NDST4: variants seen among roughly 807,000 people sequenced by gnomAD.
NDST4 encodes N-deacetylase and N-sulfotransferase 4.
Under a neutral mutation model 100.8 loss-of-function variants are expected in NDST4, and 63 were observed. The observed-to-expected ratio is 0.62, with a 90% CI of 0.51 to 0.77. The LOEUF is 0.77. NDST4 is among the 30% of genes least tolerant of loss of function. NDST4 has a pLI of 0.00. For missense variants in NDST4, 943 were observed against 1,018.4 expected (o/e 0.93, Z 1.01); for synonymous variants, 377 against 361.8 (o/e 1.04, Z -0.48).
chr4:114,882,366 G>A (rs954581699), intron 6 of NDST4, among the ~76,000 whole-genome samples: 1 of 152,004 alleles, frequency 6.6e-6, no homozygotes, highest in Non-Finnish European at 1.5e-5. Flanking sequence ...TTCTGCAATA[G>A]GATATGGGTA....
At position 114,847,416 on chromosome 4, in the gene NDST4, A is replaced by AAAAAAAAAAAAAAAAAT. The variant is rs1391736224; in HGVS notation, c.1940+798_1940+799insATTTTTTTTTTTTTTTT. Among the ~76,000 whole-genome samples, 6 of 103,642 alleles carry AAAAAAAAAAAAAAAAAT rather than the reference A, an allele frequency of 5.8e-5. 2 individuals are homozygous for AAAAAAAAAAAAAAAAAT. The highest frequency in any genetic ancestry group is 4.1e-4 in the Admixed American group (4 of 9,732). The allele number at this position is 103,642 out of a possible 152,430, so 68.0% of individuals were successfully genotyped here. A position where few individuals can be genotyped will look rare whatever the true frequency, so the allele number is the denominator to read the frequency against. The stretch of plus-strand genomic sequence containing the variant: ...AAAAAAAAAAAAAAAAAAAAAAAAA[A>AAAAAAAAAAAAAAAAAT]GTGTCTTTCATTGCAAACAGGTTCA... On this transcript the variant is annotated intron_variant, in intron 9 of 13. Transcript: ENST00000264363.
chr4:114,984,410 C>CTTG (rs1726853134), intron 2 of NDST4, among the ~76,000 whole-genome samples: 1 of 126,488 alleles, frequency 7.9e-6, no homozygotes, highest in Non-Finnish European at 1.6e-5. Context: ...AACTCCTGAC[C>CTTG]TTGTGATCCA....
chr4:114,851,631 G>A (rs1042410971), intron 8 of NDST4, among the ~76,000 whole-genome samples: 11 of 152,100 alleles, frequency 7.2e-5, no homozygotes, highest in Non-Finnish European at 1.5e-4. Context: ...TTACAACACA[G>A]GAGTGTTTTA....
intron 6 of NDST4, among the ~76,000 whole-genome samples, chr4:114,879,253 G>C (rs1262219996): frequency 6.6e-6 from 1 of 152,032 alleles, no homozygotes; most frequent in Admixed American, 6.6e-5. Flanking sequence ...CTGTGCAATA[G>C]GAAACTAAAA....
chr4:115,111,844 T>C (rs1273219022), intron 1 of NDST4, among the ~76,000 whole-genome samples: 1 of 151,912 alleles, frequency 6.6e-6, no homozygotes, highest in Non-Finnish European at 1.5e-5. Flanking sequence ...TAGCTTATTA[T>C]GAGATGTCTA....
At chr4:114,975,136 A>C (rs887408275) in intron 3 of NDST4, among the ~76,000 whole-genome samples, 2 of 152,146 alleles carry the variant, frequency 1.3e-5, no homozygotes, top group African/African-American at 4.8e-5. Context: ...AAAGGGTATC[A>C]CGTTGTGTAA....
intron 2 of NDST4, among the ~76,000 whole-genome samples, chr4:114,987,118 A>C (rs1382797800): frequency 6.6e-6 from 1 of 152,012 alleles, no homozygotes; most frequent in Non-Finnish European, 1.5e-5. Flanking sequence ...TTTTAACCTC[A>C]ATGACTTAAA....
chr4:114,929,186 G>C (rs1169877933), intron 6 of NDST4, among the ~76,000 whole-genome samples: 1 of 149,322 alleles, frequency 6.7e-6, no homozygotes. Flanking sequence ...TGCTGGGTCT[G>C]TTTCCCTGGA....
intron 2 of NDST4, among the ~76,000 whole-genome samples, chr4:115,005,684 GC>G (rs1469767321): frequency 6.6e-6 from 1 of 152,130 alleles, no homozygotes; most frequent in African/African-American, 2.4e-5. Flanking sequence ...AAGACTAGAG[GC>G]ATCCTAGAGG....
chr4:114,936,127 A>C (rs1265519223), intron 5 of NDST4, among the ~76,000 whole-genome samples: 2 of 152,190 alleles, frequency 1.3e-5, no homozygotes, highest in Non-Finnish European at 2.9e-5. Flanking sequence ...GCAAGGAATT[A>C]ATGCCATACA....
intron 6 of NDST4, among the ~76,000 whole-genome samples, chr4:114,894,737 C>T (rs571431385): frequency 1.1e-3 from 169 of 152,100 alleles, no homozygotes; most frequent in African/African-American, 4.0e-3. Context: ...TTTATGTCTT[C>T]CTCTTGCCTG....
intron 1 of NDST4, among the ~76,000 whole-genome samples, chr4:115,082,557 C>T (rs1256289413): frequency 6.6e-6 from 1 of 152,122 alleles, no homozygotes; most frequent in Non-Finnish European, 1.5e-5. Flanking sequence ...ACTAAAGAGG[C>T]TCCTGAAAAT....
chr4:114,992,363 C>T (rs1190843440), intron 2 of NDST4, among the ~76,000 whole-genome samples: 1 of 151,738 alleles, frequency 6.6e-6, no homozygotes, highest in Admixed American at 6.6e-5. Flanking sequence ...CACTCCCGCC[C>T]CACCACCCAG....
intron 6 of NDST4, among the ~76,000 whole-genome samples, chr4:114,902,138 A>T (rs1724854775): frequency 6.6e-6 from 1 of 152,042 alleles, no homozygotes; most frequent in Non-Finnish European, 1.5e-5. Flanking sequence ...AGAATTGAAA[A>T]ATACATTTTA....
chr4:114,983,196 A>G (rs1197146569), intron 2 of NDST4, among the ~76,000 whole-genome samples: 1 of 152,234 alleles, frequency 6.6e-6, no homozygotes, highest in Admixed American at 6.5e-5. Context: ...CCACTGGGGC[A>G]CTGCCTAGTG....
At chr4:115,098,336 C>G (rs188785691) in intron 1 of NDST4, among the ~76,000 whole-genome samples, 1 of 152,242 alleles carries the variant, frequency 6.6e-6, no homozygotes, top group East Asian at 1.9e-4. Flanking sequence ...GATGTGAAGA[C>G]TGACATGGTA....
At chr4:114,870,995 G>T in intron 6 of NDST4, 45 bp from the exon 7 acceptor site, 1 of 1,508,556 alleles carries the variant, frequency 6.6e-7, no homozygotes, top group Non-Finnish European at 9.0e-7. Context: ...ATATGCTTAA[G>T]CTTAAAAGTA....
chr4:114,872,242 A>G (rs944160110), intron 6 of NDST4, among the ~76,000 whole-genome samples: 4 of 152,006 alleles, frequency 2.6e-5, no homozygotes, highest in African/African-American at 9.7e-5. Flanking sequence ...CTTAAAAAAT[A>G]ATAGAAGCAT....
chr4:114,904,618 T>A (rs1724911893), intron 6 of NDST4, among the ~76,000 whole-genome samples: 1 of 151,922 alleles, frequency 6.6e-6, no homozygotes, highest in African/African-American at 2.4e-5. Context: ...TAGAAATAGC[T>A]GAATGTTATA....
Sources: allele counts gnomAD v4.1 joint callset (sites outside exome capture counted in the v4.1 genomes callset), GRCh38; gene constraint gnomAD v4.1.1; transcripts MANE v1.5; gene names NCBI Gene and HGNC (gene_info 2026-07-23, HGNC 2026-07-21).